The following RUNX1T1 variants were observed in gnomAD, a reference collection of about 807,000 sequenced individuals.
RUNX1T1 encodes the protein protein CBFA2T1.
RUNX1T1 carries 4 observed loss-of-function variants against 62.8 expected under a neutral mutation model. The ratio of observed to expected loss-of-function variants is 0.06; its 90% CI spans 0.03 to 0.15. The LOEUF is 0.15. Among genes scored for constraint, RUNX1T1 ranks in the 10% least tolerant of loss-of-function variants. The probability of loss-of-function intolerance (pLI) is 1.00; values close to 1 mark genes in which losing one functional copy is unlikely to be tolerated. For missense variants in RUNX1T1, 508 were observed against 754.3 expected, an observed-to-expected ratio of 0.67 and a Z score of 3.82; for synonymous variants, 291 against 286.0, an observed-to-expected ratio of 1.02 and a Z score of -0.18.
At chr8:91,996,768 T>C (rs1358137685) in intron 5 of RUNX1T1, among the ~76,000 whole-genome samples, 1 of 152,080 alleles carries the variant, frequency 6.6e-6, no homozygotes, top group Non-Finnish European at 1.5e-5. Flanking sequence ...CTTTTTTTTT[T>C]TCCAGCTCCT....
At chr8:91,964,189 T>C (rs1811110902) in intron 10 of RUNX1T1, among the ~76,000 whole-genome samples, 1 of 152,180 alleles carries the variant, frequency 6.6e-6, no homozygotes, top group Non-Finnish European at 1.5e-5. Flanking sequence ...ATTCGACACT[T>C]TGTTTCAAAT....
intron 5 of RUNX1T1, among the ~76,000 whole-genome samples, chr8:92,001,911 C>A (rs1328543917): frequency 6.6e-6 from 1 of 152,198 alleles, no homozygotes; most frequent in East Asian, 1.9e-4. Flanking sequence ...TCTAACAGTT[C>A]TTTTCCCTCT....
At chr8:92,016,637 T>A (rs990340511) in intron 2 of RUNX1T1, among the ~76,000 whole-genome samples, 3 of 152,102 alleles carry the variant, frequency 2.0e-5, no homozygotes, top group African/African-American at 4.8e-5. Context: ...ATCGTGCCAC[T>A]GCACTCCAGC....
chr8:92,053,516 G>A (rs2130431528), intron 1 of RUNX1T1, among the ~76,000 whole-genome samples: 1 of 152,268 alleles, frequency 6.6e-6, no homozygotes, highest in African/African-American at 2.4e-5. Context: ...AGTGTTGTAT[G>A]TTGCATTATA....
chr8:92,097,766 T>C (rs950500215), intron 1 of RUNX1T1, among the ~76,000 whole-genome samples: 5 of 152,214 alleles, frequency 3.3e-5, no homozygotes, highest in Admixed American at 1.3e-4. Context: ...GTATTTCTAT[T>C]AGTACCTTGT....
chr8:92,073,929 T>C (rs1834040993), intron 2 of RUNX1T1, among the ~76,000 whole-genome samples: 1 of 151,974 alleles, frequency 6.6e-6, no homozygotes, highest in Non-Finnish European at 1.5e-5. Context: ...AACTCCTGAG[T>C]TCAAGCAATC....
At chr8:92,077,266 T>C (rs999264945) in intron 1 of RUNX1T1, among the ~76,000 whole-genome samples, 3 of 152,110 alleles carry the variant, frequency 2.0e-5, no homozygotes, top group African/African-American at 7.2e-5. Context: ...GGGAATTGCC[T>C]TGCAGTAAGC....
intron 1 of RUNX1T1, among the ~76,000 whole-genome samples, chr8:92,094,257 T>C (rs150552552): frequency 6.6e-6 from 1 of 152,366 alleles, no homozygotes; most frequent in East Asian, 1.9e-4. Context: ...TTTTAGTTAC[T>C]GGATCATATC....
chr8:92,075,816 A>G, intron 2 of RUNX1T1, 149 bp downstream of exon 2: 1 of 694,988 alleles, frequency 1.4e-6, no homozygotes, highest in East Asian at 3.0e-5. Flanking sequence ...AAGATTTCAA[A>G]GACAAATGTT....
At chr8:92,038,985 T>G (rs891421955) in intron 1 of RUNX1T1, among the ~76,000 whole-genome samples, 1 of 152,132 alleles carries the variant, frequency 6.6e-6, no homozygotes, top group Non-Finnish European at 1.5e-5. Context: ...TAGACTATAC[T>G]GGCACATCCT....
At chr8:91,990,937 G>A (rs1433624564) in intron 6 of RUNX1T1, among the ~76,000 whole-genome samples, 1 of 152,178 alleles carries the variant, frequency 6.6e-6, no homozygotes. Context: ...GGGATTATAG[G>A]TGTGAGCCAC....
chr8:91,991,445 GGAGA>G (rs984619740), intron 6 of RUNX1T1, among the ~76,000 whole-genome samples, 190 bp downstream of exon 7: 5 of 152,212 alleles, frequency 3.3e-5, no homozygotes, highest in Admixed American at 6.5e-5. Flanking sequence ...CAAGTGATTA[GGAGA>G]GAGAAAGTAC....
intron 1 of RUNX1T1, among the ~76,000 whole-genome samples, chr8:92,091,963 T>G (rs1474151607): frequency 6.6e-6 from 1 of 152,222 alleles, no homozygotes; most frequent in Non-Finnish European, 1.5e-5. Context: ...CTGAAATATT[T>G]TGAGTTTATC....
chr8:92,071,199 C>T (rs1833619866), intron 2 of RUNX1T1: 2 of 152,178 alleles, frequency 1.3e-5, no homozygotes, highest in Admixed American at 6.5e-5. Flanking sequence ...AAGGAAAAAA[C>T]ATTCAAGTGC....
At chr8:92,060,545 A>G (rs1218794494) in intron 1 of RUNX1T1, among the ~76,000 whole-genome samples, 1,947 of 103,598 alleles carry the variant, frequency 0.019, 53 homozygotes, top group African/African-American at 0.065. Flanking sequence ...ATATATATAT[A>G]TATATATATG....
intron 1 of RUNX1T1, among the ~76,000 whole-genome samples, chr8:92,051,937 TTC>T (rs1331795782): frequency 6.6e-6 from 1 of 152,106 alleles, no homozygotes; most frequent in East Asian, 1.9e-4. Context: ...ACTTCCACAT[TTC>T]TTAGCATTCA....
At chr8:92,102,926 T>A, upstream of RUNX1T1, 2 of 1,509,028 alleles carry the variant, frequency 1.3e-6, no homozygotes, top group Non-Finnish European at 1.8e-6. This position sits in a 1 kb window ranked among gnomAD's most constrained non-coding sequence, Gnocchi z 4.5. Flanking sequence ...TCCCGTCGTC[T>A]CGGCCGGCCC....
intron 5 of RUNX1T1, among the ~76,000 whole-genome samples, chr8:91,993,645 C>T (rs1455333335): frequency 6.6e-6 from 1 of 152,054 alleles, no homozygotes; most frequent in African/African-American, 2.4e-5. Context: ...CCCCCAGCTC[C>T]TCAATAACAG....
At chr8:92,103,360 C>T (rs144754857), upstream of RUNX1T1, 5,019 of 178,086 alleles carry the variant, frequency 0.028, 271 homozygotes, top group African/African-American at 0.11. Context: ...GAGCGCCGCG[C>T]GCTGTGCGCC....
Sources: allele counts gnomAD v4.1 joint callset (sites outside exome capture counted in the v4.1 genomes callset), GRCh38; gene constraint gnomAD v4.1.1; non-coding constraint Gnocchi (gnomAD v3.1); transcripts MANE v1.5; gene names NCBI Gene and HGNC (gene_info 2026-07-23, HGNC 2026-07-21).